DNM3: variants seen among roughly 807,000 people sequenced by gnomAD.
The protein encoded by DNM3 is dynamin-3.
A neutral mutation model predicts 101.6 loss-of-function variants in DNM3; 47 were observed. That is an observed-to-expected ratio of 0.46 (90% CI 0.37 to 0.59). The LOEUF (loss-of-function observed/expected upper bound fraction) is 0.59, where lower values mean the gene tolerates loss of function less well. Among genes scored for constraint, DNM3 ranks in the 20% least tolerant of loss-of-function variants. DNM3 has a pLI of 0.00. For missense variants in DNM3, 849 were observed against 1,085.7 expected (o/e 0.78, Z 3.06); for synonymous variants, 385 against 387.9 (o/e 0.99, Z 0.09).
At chr1:172,281,676 TCA>T (rs1281951684) in intron 15 of DNM3, among the ~76,000 whole-genome samples, 4 of 152,322 alleles carry the variant, frequency 2.6e-5, no homozygotes, top group Non-Finnish European at 5.9e-5. Context: ...GGATTTTTTT[TCA>T]GTGACTCGAG....
intron 1 of DNM3, among the ~76,000 whole-genome samples, chr1:171,906,265 C>G (rs934372658): frequency 6.6e-6 from 1 of 151,502 alleles, no homozygotes; most frequent in African/African-American, 2.4e-5. Context: ...ATAGTTGGGA[C>G]CAAAGGCACG....
exon 21 of DNM3, chr1:172,418,370 T>TA: frequency 7.9e-7 from 1 of 1,268,166 alleles, no homozygotes; most frequent in Non-Finnish European, 1.0e-6. Context: ...CCATGGTATT[T>TA]AAAAGCTTTT....
intron 18 of DNM3, among the ~76,000 whole-genome samples, chr1:172,382,894 C>T (rs184679292): frequency 3.3e-5 from 5 of 152,086 alleles, no homozygotes; most frequent in African/African-American, 1.2e-4. Context: ...GCCCCTGGAC[C>T]CCTCTGGAGG....
chr1:172,084,827 T>C (rs1161439350), intron 12 of DNM3, among the ~76,000 whole-genome samples: 2 of 152,152 alleles, frequency 1.3e-5, no homozygotes, highest in Admixed American at 6.6e-5. Flanking sequence ...CCCAGATTTA[T>C]AGGATGGTGA....
intron 14 of DNM3, among the ~76,000 whole-genome samples, chr1:172,175,783 C>T (rs1348827544): frequency 6.6e-6 from 1 of 151,792 alleles, no homozygotes; most frequent in Non-Finnish European, 1.5e-5. Flanking sequence ...TGACATTTTA[C>T]TATACTTGCT....
chr1:172,227,539 T>G (rs1156843349), intron 14 of DNM3, among the ~76,000 whole-genome samples: 6 of 152,016 alleles, frequency 3.9e-5, no homozygotes, highest in African/African-American at 1.4e-4. Context: ...TAATTTACAT[T>G]CCAACCAGCA....
intron 10 of DNM3, among the ~76,000 whole-genome samples, chr1:172,065,202 T>TA (rs1459205489): frequency 2.0e-5 from 3 of 152,222 alleles, no homozygotes; most frequent in African/African-American, 7.2e-5. Flanking sequence ...TAAATATTTA[T>TA]ATTGCCACTA....
intron 1 of DNM3, among the ~76,000 whole-genome samples, chr1:171,880,456 C>A (rs2036168147): frequency 6.6e-6 from 1 of 152,104 alleles, no homozygotes; most frequent in Non-Finnish European, 1.5e-5. Context: ...TATGCTAGTG[C>A]ATTTAATTGG....
chr1:171,851,011 T>A (rs1344720047), intron 1 of DNM3, among the ~76,000 whole-genome samples: 1 of 152,152 alleles, frequency 6.6e-6, no homozygotes, highest in African/African-American at 2.4e-5. Flanking sequence ...CTGTGGCAGG[T>A]GGTCCCTGCA....
intron 19 of DNM3, among the ~76,000 whole-genome samples, chr1:172,387,803 A>C (rs1385808201): frequency 6.6e-6 from 1 of 152,216 alleles, no homozygotes; most frequent in African/African-American, 2.4e-5. Context: ...TAAGGATCAG[A>C]TTATACTAAC....
intron 13 of DNM3, among the ~76,000 whole-genome samples, chr1:172,129,896 G>A (rs923713928): frequency 6.6e-6 from 1 of 152,102 alleles, no homozygotes; most frequent in Non-Finnish European, 1.5e-5. Context: ...AAGTGCATTA[G>A]CCCAGACTGG....
At chr1:172,072,924 A>T (rs1269907219) in intron 11 of DNM3, among the ~76,000 whole-genome samples, 2 of 152,150 alleles carry the variant, frequency 1.3e-5, no homozygotes, top group Non-Finnish European at 2.9e-5. Context: ...CTGTTCTTCA[A>T]GCCTGGTAGA....
At chr1:172,325,997 G>T (rs992832911) in intron 17 of DNM3, among the ~76,000 whole-genome samples, 2 of 152,070 alleles carry the variant, frequency 1.3e-5, no homozygotes, top group Admixed American at 1.3e-4. Context: ...CCTGCTATTT[G>T]TTTTCTCAAA....
At chr1:172,339,639 C>T (rs1163804772) in intron 17 of DNM3, among the ~76,000 whole-genome samples, 1 of 152,208 alleles carries the variant, frequency 6.6e-6, no homozygotes, top group Non-Finnish European at 1.5e-5. Flanking sequence ...TCCTGAGTCA[C>T]CTCCCAGTTG....
intron 14 of DNM3, among the ~76,000 whole-genome samples, chr1:172,161,210 A>T (rs1332526715): frequency 6.7e-6 from 1 of 149,084 alleles, no homozygotes; most frequent in African/African-American, 2.4e-5. Flanking sequence ...TATATATTTT[A>T]TAATAATATA....
intron 4 of DNM3, among the ~76,000 whole-genome samples, chr1:171,993,498 C>CTTTTTTTTT (rs145178902): frequency 3.2e-4 from 41 of 128,590 alleles, no homozygotes; most frequent in African/African-American, 7.1e-4. Flanking sequence ...TTTCAAGATT[C>CTTTTTTTTT]TTTTTTTTTT....
chr1:171,863,435 T>G (rs74673993), intron 1 of DNM3, among the ~76,000 whole-genome samples: 2,182 of 152,154 alleles, frequency 0.014, 58 homozygotes, highest in African/African-American at 0.048. Flanking sequence ...AGGAAAAAAG[T>G]ATACAAAGAC....
intron 2 of DNM3, among the ~76,000 whole-genome samples, chr1:171,929,323 G>C (rs1312997141): frequency 6.6e-6 from 1 of 152,148 alleles, no homozygotes; most frequent in Non-Finnish European, 1.5e-5. Flanking sequence ...AGTTGCACCT[G>C]GTGGTGAGGA....
At chr1:172,095,915 C>T (rs2054213876) in intron 13 of DNM3, among the ~76,000 whole-genome samples, 1 of 152,132 alleles carries the variant, frequency 6.6e-6, no homozygotes, top group Admixed American at 6.5e-5. Flanking sequence ...TAAATTTAAC[C>T]TTCATTCATC....
Sources: gnomAD v4.1 joint callset for allele counts (sites outside exome capture counted in the v4.1 genomes callset) on GRCh38, gnomAD v4.1.1 for gene constraint, MANE v1.5 for transcripts, NCBI Gene and HGNC (gene_info 2026-07-23, HGNC 2026-07-21) for gene names.